The following GPHN variants were observed in gnomAD, a reference collection of about 807,000 sequenced individuals.
GPHN encodes gephyrin.
A neutral mutation model predicts 95.5 loss-of-function variants in GPHN; 17 were observed. The observed-to-expected ratio is 0.18, with a 90% confidence interval of 0.12 to 0.27. The LOEUF (loss-of-function observed/expected upper bound fraction) is 0.27. Ranked by LOEUF, GPHN falls within the 10% of genes least tolerant of loss-of-function variation. The probability of loss-of-function intolerance (pLI) is 1.00; values close to 1 mark genes in which losing one functional copy is unlikely to be tolerated. For synonymous variants in GPHN, 320 were observed against 322.5 expected, an observed-to-expected ratio of 0.99 and a Z score of 0.08; for missense variants, 660 against 978.1, an observed-to-expected ratio of 0.67 and a Z score of 4.34.
chr14:67,511,729 C>T, the GPHN span, among the ~76,000 whole-genome samples: 1 of 152,190 alleles, frequency 6.6e-6, no homozygotes, highest in Non-Finnish European at 1.5e-5. Flanking sequence ...CACTCTGTGA[C>T]CTCCGCTCCA....
chr14:67,057,047 C>T (rs1323477132), intron 10 of GPHN, among the ~76,000 whole-genome samples: 2 of 152,102 alleles, frequency 1.3e-5, no homozygotes, highest in Non-Finnish European at 1.5e-5. Context: ...GCCCCAGTTC[C>T]CACCCACGCC....
intron 9 of GPHN, among the ~76,000 whole-genome samples, chr14:67,023,246 A>G (rs1187886387): frequency 6.6e-6 from 1 of 152,078 alleles, no homozygotes; most frequent in African/African-American, 2.4e-5. Flanking sequence ...GTTACAACTT[A>G]ATTACTTGAA....
chr14:66,887,071 G>A (rs956592208), intron 5 of GPHN, among the ~76,000 whole-genome samples: 2 of 152,124 alleles, frequency 1.3e-5, no homozygotes, highest in African/African-American at 2.4e-5. Context: ...GAAGAGGAAA[G>A]GGAACTATTG....
rs148089256 is a variant in GPHN at position 66,632,411 on chromosome 14, G to A, written c.65-48696G>A. On this transcript the variant is annotated intron_variant, in intron 1 of 22. Transcript: ENST00000478722. ...TCTTAGCTGAAATATTGATCCAGGCGCAGATTTGCTGTACATTAATGTAAA... is the reference window on the plus strand; with the variant it reads ...TCTTAGCTGAAATATTGATCCAGGCACAGATTTGCTGTACATTAATGTAAA... Among the ~76,000 whole-genome samples the A allele has an allele frequency of 1.8e-3, 274 of 151,764 alleles. 9 individuals carry two copies. The highest frequency in any genetic ancestry group is 8.7e-3 in the East Asian group (45 of 5,182).
chr14:66,566,717 G>C (rs2060475255), intron 1 of GPHN, among the ~76,000 whole-genome samples: 1 of 152,146 alleles, frequency 6.6e-6, no homozygotes, highest in South Asian at 2.1e-4. Context: ...TTGCATTTTA[G>C]TGGCTTAAGA....
intron 1 of GPHN, among the ~76,000 whole-genome samples, chr14:66,578,547 AG>A (rs1237135514): frequency 6.6e-6 from 1 of 151,170 alleles, no homozygotes; most frequent in Non-Finnish European, 1.5e-5. Context: ...AGACAAAGAG[AG>A]GATCCTGAAA....
At chr14:66,691,214 C>G (rs1253785788) in intron 2 of GPHN, among the ~76,000 whole-genome samples, 1 of 151,560 alleles carries the variant, frequency 6.6e-6, no homozygotes, top group Non-Finnish European at 1.5e-5. Flanking sequence ...TAGATGGAGT[C>G]TCACTCTGTC....
chr14:67,651,599 C>G, the GPHN span: 2 of 1,141,152 alleles, frequency 1.8e-6, no homozygotes, highest in South Asian at 1.6e-5. Context: ...TTTGATCACA[C>G]AGCCACTTAG....
intron 2 of GPHN, among the ~76,000 whole-genome samples, chr14:66,718,249 T>C (rs1346158310): frequency 6.6e-6 from 1 of 151,972 alleles, no homozygotes; most frequent in Non-Finnish European, 1.5e-5. Flanking sequence ...TGTTCAGATG[T>C]GTCTGGAGTT....
intron 1 of GPHN, among the ~76,000 whole-genome samples, chr14:66,656,039 A>G (rs574767425): frequency 6.6e-6 from 1 of 152,220 alleles, no homozygotes; most frequent in South Asian, 2.1e-4. Flanking sequence ...TATTCACATG[A>G]GAAATATTTG....
chr14:66,688,915 G>A lies in GPHN; in HGVS notation c.143+7730G>A, dbSNP rs564122417. Among the ~76,000 whole-genome samples the A allele has an allele frequency of 3.3e-5, 5 of 151,894 alleles. No individual in the cohort carries two copies. In the South Asian group the frequency reaches 6.3e-4, roughly 19 times the overall value. ...AACATCACACACCGGGGCCTGTCGGGGGGTGGGGGGCTGGGGGAGGGATAG... is the reference window on the plus strand; with the variant it reads ...AACATCACACACCGGGGCCTGTCGGAGGGTGGGGGGCTGGGGGAGGGATAG... On this transcript the variant is annotated intron_variant, in intron 2 of 22. Transcript: ENST00000478722.
At chr14:66,621,217 C>G (rs563872397) in intron 1 of GPHN, among the ~76,000 whole-genome samples, 3 of 151,578 alleles carry the variant, frequency 2.0e-5, no homozygotes, top group Non-Finnish European at 4.4e-5. Context: ...CCTCATGATC[C>G]GCCTGCCTCG....
the GPHN span, among the ~76,000 whole-genome samples, chr14:67,710,451 T>A: frequency 6.6e-6 from 1 of 152,160 alleles, no homozygotes; most frequent in Non-Finnish European, 1.5e-5. Flanking sequence ...TACATAGACC[T>A]TTTGTGACAT....
At chr14:67,019,017 T>G (rs1224327670) in intron 9 of GPHN, among the ~76,000 whole-genome samples, 4 of 152,192 alleles carry the variant, frequency 2.6e-5, no homozygotes, top group Admixed American at 1.3e-4. Context: ...GAATCAAAGT[T>G]CATCTCACAC....
the GPHN span, chr14:67,333,039 T>A: frequency 1.6e-6 from 2 of 1,250,764 alleles, no homozygotes; most frequent in Non-Finnish European, 2.3e-6. Flanking sequence ...GCAGCAAGAT[T>A]GAGGATAAGA....
At chr14:67,079,516 A>T (rs1405911042) in intron 11 of GPHN, among the ~76,000 whole-genome samples, 1 of 152,074 alleles carries the variant, frequency 6.6e-6, no homozygotes, top group Non-Finnish European at 1.5e-5. Flanking sequence ...AGGATCATAT[A>T]ATACATGGTC....
intron 1 of GPHN, among the ~76,000 whole-genome samples, chr14:66,629,284 T>G (rs1283327587): frequency 6.7e-6 from 1 of 149,698 alleles, no homozygotes; most frequent in African/African-American, 2.4e-5. Flanking sequence ...GTAAGTTTCT[T>G]TTCTATTTTA....
the GPHN span, among the ~76,000 whole-genome samples, chr14:67,624,191 G>A: frequency 6.6e-6 from 1 of 152,166 alleles, no homozygotes; most frequent in Non-Finnish European, 1.5e-5. Context: ...CTAGCCACCT[G>A]TTACCATGTG....
In GPHN at chr14:66,743,030, T is replaced by A. The variant is rs544081560; in HGVS notation, c.144-33434T>A. ...GTTTCTTTTTCTTGTTTAAGAAAGT[T>A]GGAGTTAGGACTGTTGTTCATTCAC... On this transcript the variant is annotated intron_variant, in intron 2 of 22. Coordinates refer to ENST00000478722, the MANE Select transcript of GPHN (RefSeq NM_020806.5). Among the ~76,000 whole-genome samples the A allele has an allele frequency of 5.9e-5, 9 of 152,284 alleles. No homozygotes were observed. The South Asian group carries it at 1.9e-3, about 32-fold the overall frequency.
Sources: gnomAD v4.1 joint callset for allele counts (sites outside exome capture counted in the v4.1 genomes callset) on GRCh38, gnomAD v4.1.1 for gene constraint, MANE v1.5 for transcripts, NCBI Gene and HGNC (gene_info 2026-07-23, HGNC 2026-07-21) for gene names.